The following FMN2 variants were observed in gnomAD, a reference collection of about 807,000 sequenced individuals.
FMN2 encodes formin 2, also known as formin-2.
FMN2 carries 51 observed loss-of-function variants against 142.3 expected under a neutral mutation model. The observed-to-expected ratio is 0.36, with a 90% CI of 0.29 to 0.45. The LOEUF is 0.45. FMN2 is among the 20% of genes least tolerant of loss of function. The pLI is 1.00. For missense variants in FMN2, 1,936 were observed against 2,122.8 expected, an observed-to-expected ratio of 0.91 and a Z score of 1.73; for synonymous variants, 882 against 869.8, an observed-to-expected ratio of 1.01 and a Z score of -0.25.
chr1:240,233,542 T>G (rs7531340), intron 6 of FMN2, among the ~76,000 whole-genome samples: 113,740 of 152,070 alleles, frequency 0.75, 43,623 homozygotes, highest in African/African-American at 0.88. Flanking sequence ...ATACTATTGT[T>G]CTGAAGACTC....
chr1:240,245,504 G>C, intron 6 of FMN2: 4 of 471,424 alleles, frequency 8.5e-6, no homozygotes, highest in Non-Finnish European at 1.8e-5. Context: ...GATGACTGGA[G>C]ATCATGGTAT....
intron 15 of FMN2, among the ~76,000 whole-genome samples, chr1:240,413,544 T>G (rs1262508799): frequency 2.0e-5 from 3 of 152,148 alleles, no homozygotes; most frequent in Non-Finnish European, 4.4e-5. Context: ...GATCCTGACT[T>G]ACATTTACAC....
chr1:240,427,029 C>T (rs764519605), intron 15 of FMN2, among the ~76,000 whole-genome samples: 8 of 151,850 alleles, frequency 5.3e-5, no homozygotes, highest in East Asian at 2.0e-4. Context: ...CGTGAGCTAC[C>T]GTGCCAGGCC....
In FMN2 at chr1:240,207,244, C is replaced by T; in HGVS notation, c.2432C>T (p.Pro811Leu). ...CCCACACAGAGCATCTCACAGCCTCCACCACCTCCATCCCTTCTGTGGTCT... is the reference window on the plus strand; with the variant it reads ...CCCACACAGAGCATCTCACAGCCTCTACCACCTCCATCCCTTCTGTGGTCT... ...HQPTQSISQP[P>L]PPPSLLWSAG... The change falls in exon 5 of 18, where the codon CCA (proline) becomes CTA (leucine). Residue 811 changes from proline (P) to leucine (L), a missense_variant. By Grantham distance (98) the Pro-to-Leu change is moderately conservative. Around this residue, in one of 8 missense-constraint regions of FMN2, gnomAD observed 478 missense variants for 462.8 expected, o/e 1.03. Transcript: ENST00000319653. 6.2e-7 allele frequency: 1 copy of T among 1,614,030 alleles called. No individual in the cohort carries two copies. Among genetic ancestry groups the T allele is most frequent in the Non-Finnish European group, 8.5e-7 (1 of 1,179,940 alleles).
intron 13 of FMN2, among the ~76,000 whole-genome samples, chr1:240,338,988 G>T (rs746045588): frequency 6.6e-6 from 1 of 152,158 alleles, no homozygotes; most frequent in Non-Finnish European, 1.5e-5. Flanking sequence ...CTGCACATGC[G>T]CAGTTCACGG....
At chr1:240,355,951 C>T (rs201362506) in intron 14 of FMN2, 43 bp downstream of exon 14, 94 of 252,970 alleles carry the variant, frequency 3.7e-4, no homozygotes, top group African/African-American at 3.1e-3. Flanking sequence ...CCCCTTTCAG[C>T]AAAAAAAAAA....
Position 240,207,138 on chromosome 1 carries a change from G to A in FMN2, c.2326G>A (p.Gly776Arg), listed in dbSNP as rs148060493. The A allele has an allele frequency of 1.9e-6, 3 of 1,614,060 alleles. No homozygotes were observed. The highest frequency in any genetic ancestry group is 2.5e-6 in the Non-Finnish European group (3 of 1,179,984). ...TCCATGCCCCCCTGGGGCTGAAAGTGGACCTCAGACAAAGTTCTGTTCAGA... is the reference window on the plus strand; with the variant it reads ...TCCATGCCCCCCTGGGGCTGAAAGTAGACCTCAGACAAAGTTCTGTTCAGA... ...RPPCPPGAES[G>R]PQTKFCSEIS... Residue 776 changes from glycine to arginine, a missense_variant, in exon 5 of 18, where the codon GGA becomes AGA. Transcript: ENST00000319653.
intron 3 of FMN2, among the ~76,000 whole-genome samples, chr1:240,183,136 T>C (rs938916336): frequency 1.3e-5 from 2 of 151,704 alleles, no homozygotes; most frequent in East Asian, 3.9e-4. Flanking sequence ...CAGGCTGGTG[T>C]TGAACTCTGG....
intron 6 of FMN2, among the ~76,000 whole-genome samples, chr1:240,238,514 A>G (rs1229291140): frequency 6.6e-6 from 1 of 152,184 alleles, no homozygotes; most frequent in Non-Finnish European, 1.5e-5. Flanking sequence ...ACTAGTTTAT[A>G]GGCTCCTGCG....
At chr1:240,213,042 T>C (rs188758081) in intron 6 of FMN2, among the ~76,000 whole-genome samples, 54 of 152,330 alleles carry the variant, frequency 3.5e-4, no homozygotes, top group Admixed American at 1.4e-3. Context: ...GATTTCATTC[T>C]CTGTTTGACA....
intron 3 of FMN2, among the ~76,000 whole-genome samples, chr1:240,187,280 AAAAAAAAAAAAGAAAAGAAAAAAAC>A (rs1207846003): frequency 6.6e-6 from 1 of 151,038 alleles, no homozygotes; most frequent in African/African-American, 2.4e-5. Flanking sequence ...AAAAAAAAAA[AAAAAAAAAAAAGAAAAGAAAAAAAC>A]AAAACCAAAA....
intron 14 of FMN2, among the ~76,000 whole-genome samples, chr1:240,367,279 C>T (rs1672704324): frequency 6.6e-6 from 1 of 151,988 alleles, no homozygotes; most frequent in Non-Finnish European, 1.5e-5. Flanking sequence ...TTGTCTTTTA[C>T]TTATTGAGTT....
At chr1:240,177,775 T>C (rs753606781) in intron 2 of FMN2, 146 bp from the exon 3 acceptor site, 7 of 601,076 alleles carry the variant, frequency 1.2e-5, no homozygotes, top group Non-Finnish European at 1.8e-5. Context: ...CTACACTGAA[T>C]AGTATAAAAA....
chr1:240,191,858 T>C (rs112021683), intron 4 of FMN2, among the ~76,000 whole-genome samples: 54 of 152,322 alleles, frequency 3.5e-4, no homozygotes, highest in African/African-American at 1.2e-3. Context: ...AACATTTTGA[T>C]TTTTAAAAAC....
At chr1:240,129,470 A>G (rs1012164496) in intron 2 of FMN2, among the ~76,000 whole-genome samples, 1 of 146,346 alleles carries the variant, frequency 6.8e-6, no homozygotes, top group East Asian at 2.0e-4. Flanking sequence ...TATATAAGCT[A>G]TGTGGACTTG....
intron 13 of FMN2, among the ~76,000 whole-genome samples, chr1:240,351,065 A>G (rs1672080853): frequency 6.6e-6 from 1 of 152,222 alleles, no homozygotes; most frequent in Admixed American, 6.5e-5. Flanking sequence ...ATAGGAGATG[A>G]GAGTAGAGAA....
intron 1 of FMN2, among the ~76,000 whole-genome samples, chr1:240,122,042 G>A (rs12118266): frequency 0.29 from 43,279 of 150,250 alleles, 6,585 homozygotes; most frequent in Non-Finnish European, 0.35. Context: ...AAATTCAAGC[G>A]GTTTAGCCTT....
intron 15 of FMN2, among the ~76,000 whole-genome samples, chr1:240,417,507 T>A (rs2103135501): frequency 6.6e-6 from 1 of 152,202 alleles, no homozygotes; most frequent in Admixed American, 6.5e-5. Context: ...TCTGTCTGGC[T>A]TATGAGTCAT....
intron 8 of FMN2, among the ~76,000 whole-genome samples, chr1:240,327,008 TTATGA>T (rs1256809486): frequency 7.2e-5 from 11 of 152,190 alleles, no homozygotes; most frequent in Admixed American, 1.3e-4. Flanking sequence ...TTACATGGTC[TTATGA>T]TATTATTTAT....
Sources: gnomAD v4.1 joint callset for allele counts (sites outside exome capture counted in the v4.1 genomes callset) on GRCh38, gnomAD v4.1.1 for gene constraint, gnomAD v4.1.1 regional missense constraint, MANE v1.5 for transcripts, NCBI Gene and HGNC (gene_info 2026-07-23, HGNC 2026-07-21) for gene names.